The following GK variants were observed in gnomAD, a reference collection of about 807,000 sequenced individuals.
The protein encoded by GK is ATP:glycerol 3-phosphotransferase.
Under a neutral mutation model 56.4 loss-of-function variants are expected in GK, and 9 were observed. That is an observed-to-expected ratio of 0.16 (90% CI 0.10 to 0.28). The LOEUF is 0.28. Among genes scored for constraint, GK ranks in the 10% least tolerant of loss-of-function variants. The pLI is 1.00. For missense variants in GK, 161 were observed against 431.4 expected (o/e 0.37, Z 5.55); for synonymous variants, 104 against 144.1 (o/e 0.72, Z 1.99).
At chrX:30,701,332 C>T (rs1935651116) in intron 11 of GK, among the ~76,000 whole-genome samples, 1 of 112,014 alleles carries the variant, frequency 8.9e-6, no homozygotes, top group Non-Finnish European at 1.9e-5. Flanking sequence ...TCGCTTGAAC[C>T]CGGGAGGTGG....
intron 13 of GK, among the ~76,000 whole-genome samples, chrX:30,715,478 T>A (rs149076962): frequency 9.1e-4 from 102 of 112,288 alleles, no homozygotes; most frequent in Non-Finnish European, 1.3e-3. Context: ...TAAGCTTGCA[T>A]GCATCTTTTC....
chrX:30,671,313 AAAC>A (rs1555912156), intron 3 of GK, among the ~76,000 whole-genome samples: 7 of 108,183 alleles, frequency 6.5e-5, no homozygotes, highest in Admixed American at 9.9e-5. Context: ...AAAAAAAAAA[AAAC>A]AACACTGTAA....
intron 15 of GK, 66 bp downstream of exon 15, chrX:30,719,581 T>C: frequency 1.7e-6 from 1 of 604,982 alleles, no homozygotes; most frequent in Non-Finnish European, 2.8e-6. Context: ...GTTAATAACT[T>C]ATTAGTTTCT....
chrX:30,715,765 G>C (rs1272589162), intron 13 of GK, among the ~76,000 whole-genome samples: 1 of 111,860 alleles, frequency 8.9e-6, no homozygotes, highest in Non-Finnish European at 1.9e-5. Flanking sequence ...TTCTTTAAAA[G>C]CTAAATCATA....
At chrX:30,723,025 G>A (rs1334644135) in intron 18 of GK, among the ~76,000 whole-genome samples, 1 of 111,938 alleles carries the variant, frequency 8.9e-6, no homozygotes, top group African/African-American at 3.2e-5. Flanking sequence ...TGGGGTTGGG[G>A]GGCATGGGGC....
At chrX:30,655,160 TC>T (rs1212458451) in intron 1 of GK, among the ~76,000 whole-genome samples, 481 of 112,449 alleles carry the variant, frequency 4.3e-3, no homozygotes, top group Non-Finnish European at 7.2e-3. Context: ...GCACTGTTTA[TC>T]TTTTGATCAC....
chrX:30,699,262 ATG>A (rs1935472280), intron 9 of GK, among the ~76,000 whole-genome samples: 1 of 85,269 alleles, frequency 1.2e-5, no homozygotes, highest in Non-Finnish European at 2.4e-5. Context: ...TATACATGTT[ATG>A]TATAACATGT....
chrX:30,696,772 AAAC>A (rs371736920), intron 8 of GK, 89 bp downstream of exon 8: 1 of 704,938 alleles, frequency 1.4e-6, no homozygotes, highest in African/African-American at 2.1e-5. Flanking sequence ...TTTTATTACA[AAAC>A]AAGTTTACTA....
rs190578347 is a variant in GK, at chrX:30,673,389, G to A, written c.260-3986G>A. Among the ~76,000 whole-genome samples the A allele has an allele frequency of 8.2e-3, 918 of 112,220 alleles. 3 individuals are homozygous for A. Among genetic ancestry groups the A allele is most frequent in the Non-Finnish European group, 0.013 (683 of 53,265 alleles). Reference sequence around the variant, plus strand: ...TGAATGTGTTATTCCAAGAAAGAAGGAATTAAAATTAGGAACCATTAGGAA... The same window carrying A: ...TGAATGTGTTATTCCAAGAAAGAAGAAATTAAAATTAGGAACCATTAGGAA... On this transcript the variant is annotated intron_variant, in intron 3 of 20. Transcript: ENST00000427190.
chrX:30,685,119 A>T (rs941461148), intron 4 of GK, among the ~76,000 whole-genome samples: 19 of 109,958 alleles, frequency 1.7e-4, no homozygotes, highest in African/African-American at 5.3e-4. Context: ...ACAATAAAGT[A>T]TTTTTTTTCT....
At chrX:30,689,546 T>C (rs768533857) in intron 4 of GK, 16 of 329,856 alleles carry the variant, frequency 4.9e-5, no homozygotes, top group Non-Finnish European at 8.8e-5. Flanking sequence ...CCCTCAAGCC[T>C]GCCTTTTCTG....
At chrX:30,696,831 C>T (rs1237034577) in intron 8 of GK, 148 bp downstream of exon 8, 3 of 483,147 alleles carry the variant, frequency 6.2e-6, no homozygotes, top group African/African-American at 4.8e-5. Flanking sequence ...GACTTAAAAA[C>T]TTTACAGTCC....
At chrX:30,677,535 A>T (rs1159451486) in intron 4 of GK, 83 bp downstream of exon 4, 5 of 625,557 alleles carry the variant, frequency 8.0e-6, no homozygotes, top group Non-Finnish European at 1.1e-5. Flanking sequence ...TTGCTAAAAA[A>T]GCATGCAGTC....
chrX:30,670,006 TA>T (rs1464186793), intron 3 of GK, among the ~76,000 whole-genome samples: 2 of 112,598 alleles, frequency 1.8e-5, no homozygotes, highest in Non-Finnish European at 3.7e-5. Flanking sequence ...ATGCACATAT[TA>T]ATCCTATCCT....
intron 19 of GK, among the ~76,000 whole-genome samples, chrX:30,724,474 T>C (rs1158011423): frequency 1.2e-4 from 7 of 58,379 alleles, no homozygotes; most frequent in Non-Finnish European, 4.0e-5. Context: ...TTCTTCTTAA[T>C]GAAAAAAAAA....
intron 11 of GK, among the ~76,000 whole-genome samples, chrX:30,705,819 C>T (rs1935970432): frequency 8.9e-6 from 1 of 112,138 alleles, no homozygotes; most frequent in Non-Finnish European, 1.9e-5. Context: ...TTTGCTAATA[C>T]TCATTAATTG....
intron 18 of GK, among the ~76,000 whole-genome samples, chrX:30,723,267 C>T (rs751606372): frequency 3.7e-5 from 4 of 109,263 alleles, no homozygotes; most frequent in Middle Eastern, 9.4e-3. Context: ...TGGTGGTGGG[C>T]GCCTGTAGTC....
At chrX:30,711,321 G>A (rs1232526808) in intron 13 of GK, among the ~76,000 whole-genome samples, 3 of 111,151 alleles carry the variant, frequency 2.7e-5, no homozygotes, top group Non-Finnish European at 3.8e-5. Context: ...CTGTCAATAT[G>A]TGGTTCATTT....
At chrX:30,661,110 C>T (rs1367168969) in intron 1 of GK, among the ~76,000 whole-genome samples, 1 of 111,496 alleles carries the variant, frequency 9.0e-6, no homozygotes, top group Non-Finnish European at 1.9e-5. Context: ...CAGTGCCCAG[C>T]CTGGATCTTT....
Sources: gnomAD v4.1 joint callset for allele counts (sites outside exome capture counted in the v4.1 genomes callset) on GRCh38, gnomAD v4.1.1 for gene constraint, MANE v1.5 for transcripts, NCBI Gene and HGNC (gene_info 2026-07-23, HGNC 2026-07-21) for gene names.